Variants in ALPK1 observed in about 807,000 individuals in gnomAD.
The protein encoded by ALPK1 is alpha-protein kinase 1.
Under a neutral mutation model 120.6 loss-of-function variants are expected in ALPK1, and 110 were observed. The observed-to-expected ratio is 0.91, with a 90% confidence interval of 0.78 to 1.07. ALPK1 has a LOEUF of 1.07. Ranked by LOEUF, ALPK1 falls within the 50% of genes least tolerant of loss-of-function variation. The probability of loss-of-function intolerance (pLI) is 0.00; values close to 1 mark genes in which losing one functional copy is unlikely to be tolerated. For synonymous variants in ALPK1, 582 were observed against 560.3 expected (o/e 1.04, Z -0.55); for missense variants, 1,498 against 1,483.9 (o/e 1.01, Z -0.16).
At chr4:112,416,007 T>A (rs922439872) in intron 5 of ALPK1, among the ~76,000 whole-genome samples, 2 of 152,224 alleles carry the variant, frequency 1.3e-5, no homozygotes, top group Admixed American at 6.5e-5. Flanking sequence ...ATAATAAAAA[T>A]TTCTAAATGC....
At chr4:112,411,670 C>T in intron 4 of ALPK1, 157 bp from the exon 5 acceptor site, 1 of 664,032 alleles carries the variant, frequency 1.5e-6, no homozygotes, top group East Asian at 2.7e-5. Flanking sequence ...CTGGACTTTT[C>T]TATTTTCTTT....
At chr4:112,411,003 A>C (rs772084128) in intron 4 of ALPK1, 2 of 154,848 alleles carry the variant, frequency 1.3e-5, no homozygotes, top group African/African-American at 2.4e-5. Flanking sequence ...CAATATGTTT[A>C]GTGTGACGTC....
chr4:112,368,313 T>G (rs1398782671), intron 2 of ALPK1, among the ~76,000 whole-genome samples: 1 of 152,224 alleles, frequency 6.6e-6, no homozygotes, highest in Non-Finnish European at 1.5e-5. Flanking sequence ...CTTAATCTGC[T>G]TATGCTTTCT....
At chr4:112,358,226 C>T (rs777766121) in intron 2 of ALPK1, 6 of 595,282 alleles carry the variant, frequency 1.0e-5, no homozygotes, top group Non-Finnish European at 1.9e-5. Context: ...CCTCTGTGAC[C>T]ACAGGGTTGC....
intron 10 of ALPK1, 25 bp downstream of exon 10, chr4:112,429,278 A>G (rs1335041314): frequency 1.3e-6 from 2 of 1,577,468 alleles, no homozygotes; most frequent in Non-Finnish European, 1.7e-6. Flanking sequence ...CCGCTCCTCA[A>G]ACCCCCACAG....
At chr4:112,328,761 G>C (rs1729227315) in intron 2 of ALPK1, among the ~76,000 whole-genome samples, 1 of 152,190 alleles carries the variant, frequency 6.6e-6, no homozygotes, top group South Asian at 2.1e-4. Context: ...TGGATTTGTG[G>C]GAAAATTAGT....
chr4:112,440,812 A>AGTATGTGTGT (rs1553965152), intron 14 of ALPK1, 105 bp from the exon 15 acceptor site: 3 of 1,327,248 alleles, frequency 2.3e-6, no homozygotes, highest in African/African-American at 3.1e-5. Flanking sequence ...TATCTCTTTA[A>AGTATGTGTGT]GTGTGTGTGT....
intron 2 of ALPK1, among the ~76,000 whole-genome samples, chr4:112,329,146 A>G (rs1048758164): frequency 1.3e-5 from 2 of 152,224 alleles, no homozygotes; most frequent in African/African-American, 4.8e-5. Context: ...AAGAATAAAT[A>G]TACATGCTTG....
intron 9 of ALPK1, 138 bp from the exon 10 acceptor site, chr4:112,429,011 T>C (rs1488973961): frequency 3.9e-6 from 3 of 769,700 alleles, no homozygotes; most frequent in Non-Finnish European, 6.8e-6. Flanking sequence ...ACTTACTCTT[T>C]CTTTACACTG....
rs1178001335 is a variant in ALPK1, at chr4:112,435,311, A to G, written c.3188+10A>G. 2 of 1,605,312 alleles carry G rather than the reference A, an allele frequency of 1.2e-6. No individual in the cohort carries two copies. Among genetic ancestry groups the G allele is most frequent in the Non-Finnish European group, 1.7e-6 (2 of 1,177,250 alleles). On this transcript the variant is annotated intron_variant, in intron 12 of 15. Coordinates refer to ENST00000650871, the MANE Select transcript of ALPK1 (RefSeq NM_025144.4). ...AAGAAATTCTGGGGAGGTATTACTT[A>G]AAAACATTTGTATAACTAATGTAAG...
intron 5 of ALPK1, 122 bp from the exon 6 acceptor site, chr4:112,423,822 G>T: frequency 1.2e-6 from 1 of 865,756 alleles, no homozygotes. Flanking sequence ...TTATAAAATG[G>T]AATGCTTCCA....
At chr4:112,369,542 G>A (rs570869227) in intron 2 of ALPK1, among the ~76,000 whole-genome samples, 4 of 151,586 alleles carry the variant, frequency 2.6e-5, no homozygotes, top group African/African-American at 2.4e-5. Flanking sequence ...GATTAGCTGG[G>A]CATGGTGGTG....
intron 4 of ALPK1, among the ~76,000 whole-genome samples, chr4:112,401,004 T>G (rs912536203): frequency 6.6e-6 from 1 of 151,914 alleles, no homozygotes; most frequent in African/African-American, 2.4e-5. Flanking sequence ...AGTGCTCAAC[T>G]CTGGCTGCTC....
At chr4:112,308,897 T>C (rs1008283806) in intron 1 of ALPK1, among the ~76,000 whole-genome samples, 11 of 152,084 alleles carry the variant, frequency 7.2e-5, no homozygotes, top group Admixed American at 4.6e-4. Context: ...CTTTGGTCTT[T>C]GATGATGGTG....
chr4:112,389,311 T>C (rs1732298026), intron 4 of ALPK1, among the ~76,000 whole-genome samples: 1 of 152,182 alleles, frequency 6.6e-6, no homozygotes, highest in Admixed American at 6.5e-5. Context: ...ACCAAAGTGC[T>C]GAGATTACAA....
At chr4:112,318,525 C>T (rs951045743) in intron 2 of ALPK1, among the ~76,000 whole-genome samples, 1 of 152,218 alleles carries the variant, frequency 6.6e-6, no homozygotes, top group African/African-American at 2.4e-5. Flanking sequence ...CACTTATGAC[C>T]TAACATGGAA....
At chr4:112,377,970 G>C in intron 3 of ALPK1, 72 bp downstream of exon 3, 2 of 1,456,738 alleles carry the variant, frequency 1.4e-6, no homozygotes, top group Non-Finnish European at 1.8e-6. Flanking sequence ...TGAACGACAC[G>C]TTCTTATCTC....
chr4:112,324,106 TC>T (rs1206702659), intron 2 of ALPK1, among the ~76,000 whole-genome samples: 1 of 152,020 alleles, frequency 6.6e-6, no homozygotes, highest in Non-Finnish European at 1.5e-5. Context: ...GGCGGGCGGA[TC>T]ACGAGGTCAG....
intron 2 of ALPK1, among the ~76,000 whole-genome samples, chr4:112,365,978 T>C (rs774375074): frequency 2.6e-5 from 4 of 152,110 alleles, no homozygotes; most frequent in Non-Finnish European, 5.9e-5. Context: ...ATTCAACAAA[T>C]GGTGCTGGGA....
Sources: allele counts gnomAD v4.1 joint callset (sites outside exome capture counted in the v4.1 genomes callset), GRCh38; gene constraint gnomAD v4.1.1; transcripts MANE v1.5; gene names NCBI Gene and HGNC (gene_info 2026-07-23, HGNC 2026-07-21).